RUNDC3B: variants seen among roughly 807,000 people sequenced by gnomAD.
RUNDC3B encodes RUN domain containing 3B.
Under a neutral mutation model 58.4 loss-of-function variants are expected in RUNDC3B, and 33 were observed. The observed-to-expected ratio is 0.56, with a 90% confidence interval of 0.43 to 0.75. The LOEUF is 0.75. RUNDC3B is among the 30% of genes least tolerant of loss of function. The pLI is 0.00. For synonymous variants in RUNDC3B, 193 were observed against 195.2 expected (o/e 0.99, Z 0.10); for missense variants, 501 against 535.7 (o/e 0.94, Z 0.64).
rs1009482461 is a variant in RUNDC3B, at chr7:87,661,264, A to T, written c.238+10327A>T. Among the ~76,000 whole-genome samples the T allele has an allele frequency of 1.8e-4, 28 of 151,926 alleles. 1 individual carries two copies. The highest frequency in any genetic ancestry group is 3.8e-4 in the Non-Finnish European group (26 of 67,918). ...CATTCATTTTTTTGCATTACAAACA[A>T]TTCAATTATACTCTTTTAGTTATTT... is the stretch of plus-strand genomic sequence containing the variant. On this transcript the variant is annotated intron_variant, in intron 2 of 10. Coordinates refer to ENST00000394654, the MANE Select transcript of RUNDC3B (RefSeq NM_001134405.2).
chr7:87,654,914 A>G (rs557111304), intron 2 of RUNDC3B, among the ~76,000 whole-genome samples: 16 of 152,272 alleles, frequency 1.1e-4, no homozygotes, highest in East Asian at 3.9e-4. Context: ...AAGACATTCA[A>G]ATGGCCAACA....
At chr7:87,777,687 T>C in intron 7 of RUNDC3B, 111 bp from the exon 8 acceptor site, 1 of 774,032 alleles carries the variant, frequency 1.3e-6, no homozygotes, top group Non-Finnish European at 2.0e-6. Flanking sequence ...TGCTTTGAAA[T>C]TGTTTCATTA....
chr7:87,819,112 G>A (rs547645725), intron 10 of RUNDC3B, among the ~76,000 whole-genome samples: 19 of 152,238 alleles, frequency 1.2e-4, no homozygotes, highest in Non-Finnish European at 2.2e-4. Flanking sequence ...AGCTGCTTAC[G>A]GGCTCTCTGC....
At chr7:87,710,965 T>C (rs1420564332) in intron 4 of RUNDC3B, among the ~76,000 whole-genome samples, 3 of 152,188 alleles carry the variant, frequency 2.0e-5, no homozygotes, top group Non-Finnish European at 4.4e-5. Flanking sequence ...GATTTGAATT[T>C]AAGTATGAAA....
Position 87,655,343 on chromosome 7 carries a change from G to A in RUNDC3B, c.238+4406G>A, listed in dbSNP as rs190769218. On this transcript the variant is annotated intron_variant, in intron 2 of 10. Transcript: ENST00000394654. Reference sequence around the variant, plus strand: ...CTAATTGTCCATCTACTGATGAGTCGATAAAAAAAAAGTTGCGTATATAAA... The same window carrying A: ...CTAATTGTCCATCTACTGATGAGTCAATAAAAAAAAAGTTGCGTATATAAA... Among the ~76,000 whole-genome samples, 546 of 151,804 alleles carry A rather than the reference G, an allele frequency of 3.6e-3. 4 individuals carry two copies. The highest frequency in any genetic ancestry group is 4.5e-3 in the Non-Finnish European group (304 of 67,892).
At chr7:87,682,630 G>C (rs1432125350) in intron 2 of RUNDC3B, among the ~76,000 whole-genome samples, 1 of 152,150 alleles carries the variant, frequency 6.6e-6, no homozygotes, top group African/African-American at 2.4e-5. Context: ...TCTTTTTTCT[G>C]AGTAGTGGAT....
chr7:87,638,416 C>T (rs1822056907), intron 1 of RUNDC3B, among the ~76,000 whole-genome samples: 1 of 149,384 alleles, frequency 6.7e-6, no homozygotes, highest in Admixed American at 6.7e-5. Context: ...TTGTGTAAGA[C>T]TGATATTTCT....
At chr7:87,715,298 T>TAATTATATATAATTAATTTATAAC (rs1830469004) in intron 4 of RUNDC3B, among the ~76,000 whole-genome samples, 1 of 123,930 alleles carries the variant, frequency 8.1e-6, no homozygotes, top group Non-Finnish European at 1.6e-5. Context: ...TAATTTATAA[T>TAATTATATATAATTAATTTATAAC]AATTATATAT....
chr7:87,780,541 A>G (rs996555291), intron 8 of RUNDC3B, among the ~76,000 whole-genome samples: 9 of 151,902 alleles, frequency 5.9e-5, no homozygotes, highest in Non-Finnish European at 1.0e-4. Context: ...TTTTTCCCCA[A>G]TCTGTAGGTT....
At chr7:87,661,646 A>G (rs1035516262) in intron 2 of RUNDC3B, among the ~76,000 whole-genome samples, 1 of 151,592 alleles carries the variant, frequency 6.6e-6, no homozygotes, top group African/African-American at 2.4e-5. Context: ...TATTTACCAC[A>G]TTTTCTTTAT....
At chr7:87,677,032 T>A (rs1285330211) in intron 2 of RUNDC3B, among the ~76,000 whole-genome samples, 1 of 152,120 alleles carries the variant, frequency 6.6e-6, no homozygotes, top group African/African-American at 2.4e-5. Context: ...TTGGTGGGAA[T>A]GTAGATTAGG....
chr7:87,729,128 A>T (rs568782276), intron 4 of RUNDC3B, among the ~76,000 whole-genome samples: 71 of 152,266 alleles, frequency 4.7e-4, no homozygotes, highest in Admixed American at 3.9e-3. Context: ...ACACCTTACT[A>T]TTTGAGGAAG....
At chr7:87,676,058 C>T (rs1206130142) in intron 2 of RUNDC3B, among the ~76,000 whole-genome samples, 1 of 151,810 alleles carries the variant, frequency 6.6e-6, no homozygotes, top group Non-Finnish European at 1.5e-5. Context: ...AGATTCCCAT[C>T]TCTACAAAAA....
intron 2 of RUNDC3B, among the ~76,000 whole-genome samples, chr7:87,679,141 G>A (rs1826671352): frequency 7.1e-6 from 1 of 140,920 alleles, no homozygotes; most frequent in African/African-American, 2.7e-5. Context: ...CCCCCAGGCT[G>A]GAGTGCAGTG....
chr7:87,797,629 T>G (rs1181725624), intron 8 of RUNDC3B, among the ~76,000 whole-genome samples: 1 of 152,166 alleles, frequency 6.6e-6, no homozygotes, highest in African/African-American at 2.4e-5. Context: ...CATTTCATAC[T>G]TATTGTCTGG....
chr7:87,726,576 C>G (rs1407396289), intron 4 of RUNDC3B, among the ~76,000 whole-genome samples: 1 of 152,116 alleles, frequency 6.6e-6, no homozygotes, highest in African/African-American at 2.4e-5. Flanking sequence ...GCAATGCAGG[C>G]TCTTTTTTGA....
At chr7:87,816,959 T>C (rs536781360) in intron 10 of RUNDC3B, among the ~76,000 whole-genome samples, 79 of 152,352 alleles carry the variant, frequency 5.2e-4, no homozygotes, top group African/African-American at 1.9e-3. Context: ...TCCAGCACTT[T>C]GGATGGCATG....
chr7:87,691,290 G>T (rs563887182), intron 2 of RUNDC3B, among the ~76,000 whole-genome samples: 1 of 152,244 alleles, frequency 6.6e-6, no homozygotes, highest in Admixed American at 6.5e-5. Flanking sequence ...TCTGTCTTCA[G>T]TATTCAGTAT....
chr7:87,716,235 G>T (rs751451186), intron 4 of RUNDC3B, among the ~76,000 whole-genome samples: 5 of 152,144 alleles, frequency 3.3e-5, no homozygotes. Context: ...TGTCACTGTT[G>T]CCAGATTTGT....
Sources: allele counts gnomAD v4.1 joint callset (sites outside exome capture counted in the v4.1 genomes callset), GRCh38; gene constraint gnomAD v4.1.1; transcripts MANE v1.5; gene names NCBI Gene and HGNC (gene_info 2026-07-23, HGNC 2026-07-21).